SPAG1: variants seen among roughly 807,000 people sequenced by gnomAD.
SPAG1 encodes sperm associated antigen 1.
SPAG1 carries 69 observed loss-of-function variants against 100.5 expected under a neutral mutation model. That is an observed-to-expected ratio of 0.69 (90% CI 0.57 to 0.84). SPAG1 has a LOEUF of 0.84. Among genes scored for constraint, SPAG1 ranks in the 40% least tolerant of loss-of-function variants. The pLI, the probability that SPAG1 is intolerant of heterozygous loss-of-function variation, is 0.00. For synonymous variants in SPAG1, 336 were observed against 411.6 expected, an observed-to-expected ratio of 0.82 and a Z score of 2.22; for missense variants, 955 against 1,133.1, an observed-to-expected ratio of 0.84 and a Z score of 2.26.
chr8:100,175,270 C>T lies in SPAG1; in HGVS notation c.301-2546C>T, dbSNP rs531544179. Among the ~76,000 whole-genome samples, 198 of 148,726 alleles carry T rather than the reference C, an allele frequency of 1.3e-3. 2 individuals are homozygous for T. In the Middle Eastern group the frequency reaches 0.021, roughly 16 times the overall value. ...TGACAATCCTTTCCATAGAGAAGGG[C>T]GTGCAGTGAAGTTCTTTTTTTTTTT... On this transcript the variant is annotated intron_variant, in intron 3 of 18. Coordinates refer to ENST00000388798, the MANE Select transcript of SPAG1 (RefSeq NM_003114.5).
At chr8:100,197,540 A>T (rs1817086400) in intron 10 of SPAG1, among the ~76,000 whole-genome samples, 1 of 152,206 alleles carries the variant, frequency 6.6e-6, no homozygotes, top group Non-Finnish European at 1.5e-5. Context: ...CTTGGACACA[A>T]GAGAAGCAAC....
intron 10 of SPAG1, among the ~76,000 whole-genome samples, chr8:100,212,419 C>T (rs1328700037): frequency 6.6e-6 from 1 of 152,090 alleles, no homozygotes; most frequent in Non-Finnish European, 1.5e-5. Flanking sequence ...TTTACACATC[C>T]TTTTTATATT....
chr8:100,184,724 A>G lies in SPAG1; in HGVS notation c.692A>G (p.Tyr231Cys), dbSNP rs1322198812. 17 of 1,576,358 alleles carry G rather than the reference A, an allele frequency of 1.1e-5. No individual in the cohort carries two copies. Among genetic ancestry groups the G allele is most frequent in the Non-Finnish European group, 1.2e-5 (14 of 1,161,172 alleles). The change falls in exon 7 of 19, where the codon TAT becomes TGT. Residue 231 changes from tyrosine (Y) to cysteine (C), a missense_variant. Coordinates refer to ENST00000388798, the MANE Select transcript of SPAG1 (RefSeq NM_003114.5). ...NSGDYEEAVM[Y>C]YTRSISALPT... ...GGAGATTATGAAGAAGCAGTGATGT[A>G]TTATACCAGGTGAGCAGATGTTTGT...
intron 2 of SPAG1, chr8:100,165,436 G>A (rs577750211): frequency 4.9e-6 from 2 of 410,898 alleles, no homozygotes; most frequent in East Asian, 1.4e-4. Flanking sequence ...CGCCAGCCGC[G>A]GGTCAGACCT....
intron 12 of SPAG1, 114 bp from the exon 13 acceptor site, chr8:100,220,165 A>C: frequency 1.2e-6 from 1 of 812,720 alleles, no homozygotes; most frequent in East Asian, 2.9e-5. Context: ...CCCAAGACGA[A>C]GTCTCGGATG....
At position 100,200,998 on chromosome 8, in the gene SPAG1, T is replaced by A. The variant is rs150383552; in HGVS notation, c.1096+6730T>A. Among the ~76,000 whole-genome samples the A allele has an allele frequency of 3.2e-3, 486 of 152,268 alleles. 5 individuals are homozygous for A. The highest frequency in any genetic ancestry group is 0.011 in the African/African-American group (443 of 41,566). On this transcript the variant is annotated intron_variant, in intron 10 of 18. Coordinates refer to ENST00000388798, the MANE Select transcript of SPAG1 (RefSeq NM_003114.5). The stretch of plus-strand genomic sequence containing the variant: ...TTTCAGAGCCCCCCTTAAGAAAGAT[T>A]TTTTTCAGATTTTTTTTCTTTTGTT...
At chr8:100,212,171 T>TGATC (rs1353794192) in intron 10 of SPAG1, among the ~76,000 whole-genome samples, 1 of 152,258 alleles carries the variant, frequency 6.6e-6, no homozygotes, top group African/African-American at 2.4e-5. Flanking sequence ...TGTCTTAAGG[T>TGATC]GATCATCCAC....
chr8:100,197,976 CCTAT>C (rs1483959731), intron 10 of SPAG1, among the ~76,000 whole-genome samples: 1 of 152,096 alleles, frequency 6.6e-6, no homozygotes, highest in Non-Finnish European at 1.5e-5. Context: ...CTGGAAGCTC[CCTAT>C]CTGTTTGCCT....
chr8:100,186,173 C>G (rs1816581780), intron 7 of SPAG1, among the ~76,000 whole-genome samples: 1 of 150,076 alleles, frequency 6.7e-6, no homozygotes, highest in South Asian at 2.1e-4. Context: ...TCCAGGGATC[C>G]TCCCACCTCA....
At chr8:100,228,410 CAA>C (rs71274969) in intron 14 of SPAG1, among the ~76,000 whole-genome samples, 4 of 129,538 alleles carry the variant, frequency 3.1e-5, no homozygotes, top group East Asian at 2.2e-4. Context: ...CCATCTCTAC[CAA>C]AAAAAAAAAA....
At chr8:100,237,300 C>T (rs906175140) in intron 16 of SPAG1, among the ~76,000 whole-genome samples, 49 of 152,198 alleles carry the variant, frequency 3.2e-4, no homozygotes, top group African/African-American at 9.6e-4. Context: ...AGGCTGGTCT[C>T]GAACTCTTGG....
intron 15 of SPAG1, among the ~76,000 whole-genome samples, chr8:100,231,737 A>G (rs1045227379): frequency 2.6e-5 from 4 of 152,194 alleles, no homozygotes; most frequent in Non-Finnish European, 5.9e-5. Context: ...AGGCGGGTGG[A>G]TCACGAGGTC....
rs1302898021 is a variant in SPAG1, at chr8:100,240,559, A to T, written c.2437A>T (p.Ile813Leu). ...PNNAYEFGQIINALSTRKDKE... is the reference protein window; with the variant it reads ...PNNAYEFGQILNALSTRKDKE... ...TAATGCCTATGAATTTGGTCAGATT[A>T]TAAATGCTCTCAGTACCAGGAAGGA... The change falls in exon 18 of 19, where the codon ATA becomes TTA. Residue 813 changes from isoleucine (I) to leucine (L), a missense_variant. Coordinates refer to ENST00000388798, the MANE Select transcript of SPAG1 (RefSeq NM_003114.5). The T allele has an allele frequency of 6.2e-7, 1 of 1,614,152 alleles. No homozygotes were observed. The highest frequency in any genetic ancestry group is 1.1e-5 in the South Asian group (1 of 91,078).
chr8:100,229,357 T>A (rs923808011), intron 14 of SPAG1, among the ~76,000 whole-genome samples: 8 of 152,066 alleles, frequency 5.3e-5, no homozygotes, highest in Non-Finnish European at 8.8e-5. Context: ...CAGGTGGAGC[T>A]TGCAGTGAGC....
In SPAG1 at chr8:100,240,899, G is replaced by A; in HGVS notation, c.2658G>A (p.Leu886=). Residue 886 remains leucine (L), a synonymous_variant, in exon 19 of 19, where the codon TTG becomes TTA. Coordinates refer to ENST00000388798, the MANE Select transcript of SPAG1 (RefSeq NM_003114.5). ...TTTTTTGCTTCTTTTAGATGATGTTGACACTAATTAGCAAGGGCCAAAAGG... is the reference window on the plus strand; with the variant it reads ...TTTTTTGCTTCTTTTAGATGATGTTAACACTAATTAGCAAGGGCCAAAAGG... ...LSKAERFKMM[L]TLISKGQKEL... The A allele has an allele frequency of 6.8e-7, 1 of 1,468,290 alleles. No individual in the cohort carries two copies. 91.0% of individuals were successfully genotyped at this position (1,468,290 alleles called of 1,614,324 possible).
At chr8:100,171,917 C>T (rs971481759) in intron 3 of SPAG1, among the ~76,000 whole-genome samples, 2 of 151,378 alleles carry the variant, frequency 1.3e-5, no homozygotes, top group South Asian at 2.1e-4. Flanking sequence ...TTTTCTGAGA[C>T]GGAGTCTCGC....
intron 16 of SPAG1, among the ~76,000 whole-genome samples, chr8:100,235,740 G>T (rs909039166): frequency 1.8e-4 from 27 of 152,034 alleles, no homozygotes; most frequent in Non-Finnish European, 3.1e-4. Context: ...TGCAGTCAGC[G>T]TGCATGTCCC....
intron 6 of SPAG1, 56 bp downstream of exon 6, chr8:100,184,118 A>G (rs1466724813): frequency 4.0e-6 from 3 of 750,258 alleles, no homozygotes; most frequent in Non-Finnish European, 6.3e-6. Context: ...AATTATAATA[A>G]AAAGTGTCAA....
intron 10 of SPAG1, among the ~76,000 whole-genome samples, chr8:100,202,243 A>G (rs1444644228): frequency 1.3e-5 from 2 of 152,024 alleles, no homozygotes; most frequent in African/African-American, 4.8e-5. Context: ...ACAGTTTGTG[A>G]GAGTTTTTCC....
Sources: allele counts gnomAD v4.1 joint callset (sites outside exome capture counted in the v4.1 genomes callset), GRCh38; gene constraint gnomAD v4.1.1; transcripts MANE v1.5; gene names NCBI Gene and HGNC (gene_info 2026-07-23, HGNC 2026-07-21).